Variants in TNRC6C observed in about 807,000 individuals in gnomAD.
The protein encoded by TNRC6C is trinucleotide repeat-containing gene 6C protein.
TNRC6C carries 20 observed loss-of-function variants against 153.7 expected under a neutral mutation model. The observed-to-expected ratio is 0.13, with a 90% CI of 0.09 to 0.19. The LOEUF (loss-of-function observed/expected upper bound fraction) is 0.19, where lower values mean the gene tolerates loss of function less well. Ranked by LOEUF, TNRC6C falls within the 10% of genes least tolerant of loss-of-function variation. The pLI is 1.00. For synonymous variants in TNRC6C, 811 were observed against 841.4 expected (o/e 0.96, Z 0.63); for missense variants, 1,987 against 2,172.0 (o/e 0.91, Z 1.69).
chr17:78,029,392 A>G (rs915299377), intron 1 of TNRC6C, among the ~76,000 whole-genome samples: 7 of 152,260 alleles, frequency 4.6e-5, no homozygotes, highest in African/African-American at 1.2e-4. Flanking sequence ...TATACTGAAT[A>G]CTGTAGGCAG....
At chr17:78,040,768 G>A (rs1422079559) in intron 2 of TNRC6C, among the ~76,000 whole-genome samples, 2 of 152,198 alleles carry the variant, frequency 1.3e-5, no homozygotes, top group Admixed American at 6.5e-5. Flanking sequence ...ATTTAAAGAG[G>A]AAGGAAGATC....
chr17:78,037,191 T>C (rs1244250885), intron 2 of TNRC6C, among the ~76,000 whole-genome samples: 1 of 152,232 alleles, frequency 6.6e-6, no homozygotes, highest in African/African-American at 2.4e-5. Context: ...TTTCCTTTTC[T>C]TCCTATATGA....
intron 1 of TNRC6C, among the ~76,000 whole-genome samples, chr17:78,016,114 C>T (rs913921913): frequency 6.6e-6 from 1 of 152,150 alleles, no homozygotes; most frequent in African/African-American, 2.4e-5. Flanking sequence ...CCAAAGAGTT[C>T]CCTGAAGAGC....
chr17:78,075,213 C>G lies in TNRC6C; in HGVS notation c.2995C>G (p.Pro999Ala), dbSNP rs780277966. 2 of 1,600,364 alleles carry G rather than the reference C, an allele frequency of 1.2e-6. No homozygotes were observed. The highest frequency in any genetic ancestry group is 1.7e-6 in the Non-Finnish European group (2 of 1,173,976). Residue 999 changes from proline to alanine, a missense_variant, in exon 8 of 20, where the codon CCC (proline) becomes GCC (alanine). Around this residue, in one of 4 missense-constraint regions of TNRC6C, gnomAD observed 765 missense variants for 908.6 expected, o/e 0.84. Coordinates refer to ENST00000301624, the Ensembl canonical transcript of TNRC6C. The surrounding 1 kb of genome is among the most constrained non-coding windows in gnomAD (Gnocchi z 4.2). ...CGACCATAATGGAATGGCCGCCAAG[C>G]CCCTCGGCTGCCGCCCGCCAATCTC...
intron 3 of TNRC6C, among the ~76,000 whole-genome samples, chr17:78,063,241 T>A (rs2072804004): frequency 6.7e-6 from 1 of 149,320 alleles, no homozygotes; most frequent in African/African-American, 2.4e-5. Context: ...CAAGACTCTG[T>A]CTCCAAAATA....
intron 1 of TNRC6C, among the ~76,000 whole-genome samples, chr17:77,997,321 C>T (rs2071343498): frequency 6.6e-6 from 1 of 152,136 alleles, no homozygotes; most frequent in Admixed American, 6.5e-5. Flanking sequence ...TTTTGTCATA[C>T]CTCTCTTACG....
intron 2 of TNRC6C, among the ~76,000 whole-genome samples, chr17:78,036,391 C>T (rs1380609539): frequency 6.6e-6 from 1 of 152,152 alleles, no homozygotes; most frequent in African/African-American, 2.4e-5. Flanking sequence ...TGACCAGTTG[C>T]CTGCTGCTTT....
chr17:78,074,167 C>G (rs2073045643), intron 7 of TNRC6C, among the ~76,000 whole-genome samples: 1 of 152,040 alleles, frequency 6.6e-6, no homozygotes, highest in Non-Finnish European at 1.5e-5. Flanking sequence ...ACAGGGGGAC[C>G]ATTTTAAACA....
intron 1 of TNRC6C, among the ~76,000 whole-genome samples, chr17:77,970,324 C>T (rs1053784416): frequency 6.6e-6 from 1 of 152,192 alleles, no homozygotes; most frequent in East Asian, 1.9e-4. Flanking sequence ...CAGCTCATCG[C>T]AGCCTCAGCC....
intron 17 of TNRC6C, among the ~76,000 whole-genome samples, chr17:78,099,369 C>T (rs968299810): frequency 6.6e-6 from 1 of 152,136 alleles, no homozygotes; most frequent in Non-Finnish European, 1.5e-5. Context: ...TGAAGACATA[C>T]CCGAGACTGG....
chr17:78,005,355 C>G (rs1037763380), intron 1 of TNRC6C, among the ~76,000 whole-genome samples: 1 of 152,042 alleles, frequency 6.6e-6, no homozygotes, highest in Admixed American at 6.6e-5. Flanking sequence ...CAAACAGGAT[C>G]GAACTGATAA....
chr17:78,048,950 A>G (rs200219889), exon 3 of TNRC6C: 25 of 1,352,884 alleles, frequency 1.8e-5, no homozygotes, highest in Non-Finnish European at 2.4e-5. Context: ...GTGATAATAG[A>G]TAGGACTGAC....
chr17:78,058,322 C>T (rs1474834665), intron 3 of TNRC6C, among the ~76,000 whole-genome samples: 2 of 152,166 alleles, frequency 1.3e-5, no homozygotes, highest in East Asian at 3.8e-4. Flanking sequence ...TACTCAGCAA[C>T]ATGATTACCT....
At chr17:78,039,846 G>A (rs1007164199) in intron 2 of TNRC6C, among the ~76,000 whole-genome samples, 3 of 152,266 alleles carry the variant, frequency 2.0e-5, no homozygotes, top group African/African-American at 4.8e-5. Context: ...CTGAGAGCCC[G>A]CTGCCCCCAG....
At chr17:78,002,770 A>G (rs2071432838), upstream of TNRC6C, among the ~76,000 whole-genome samples, 1 of 152,176 alleles carries the variant, frequency 6.6e-6, no homozygotes, top group Admixed American at 6.5e-5. Flanking sequence ...TACTTATTAA[A>G]TGAATCAGTC....
At chr17:77,970,036 C>T (rs1206866175) in intron 1 of TNRC6C, among the ~76,000 whole-genome samples, 2 of 152,196 alleles carry the variant, frequency 1.3e-5, no homozygotes, top group African/African-American at 4.8e-5. Flanking sequence ...AATTCAGCTA[C>T]TTCCTATTCA....
chr17:78,000,352 T>C (rs2071391664), upstream of TNRC6C, among the ~76,000 whole-genome samples: 2 of 152,202 alleles, frequency 1.3e-5, no homozygotes, highest in Admixed American at 1.3e-4. Flanking sequence ...TTTTGTCTTA[T>C]CCTTCTCATA....
intron 2 of TNRC6C, among the ~76,000 whole-genome samples, chr17:78,046,280 C>T (rs2072408374): frequency 1.3e-5 from 2 of 151,286 alleles, no homozygotes; most frequent in South Asian, 4.2e-4. Flanking sequence ...CTCTTGGGTT[C>T]GAGTGATACT....
chr17:78,089,315 A>G (rs2073354910), intron 13 of TNRC6C, among the ~76,000 whole-genome samples: 1 of 152,250 alleles, frequency 6.6e-6, no homozygotes, highest in East Asian at 1.9e-4. Flanking sequence ...AAGTTAAAGA[A>G]TTCATGCAGT....
Sources: allele counts gnomAD v4.1 joint callset (sites outside exome capture counted in the v4.1 genomes callset), GRCh38; gene constraint gnomAD v4.1.1; regional missense constraint gnomAD v4.1.1; non-coding constraint Gnocchi (gnomAD v3.1); transcripts MANE v1.5; gene names NCBI Gene and HGNC (gene_info 2026-07-23, HGNC 2026-07-21).